NAV3: variants seen among roughly 807,000 people sequenced by gnomAD.
NAV3 encodes the protein neuron navigator 3, also known as pore membrane and/or filament interacting like protein 1.
A neutral mutation model predicts 244.7 loss-of-function variants in NAV3; 87 were observed. The ratio of observed to expected loss-of-function variants is 0.36; its 90% CI spans 0.30 to 0.42. The LOEUF (loss-of-function observed/expected upper bound fraction) is 0.42. NAV3 is among the 20% of genes least tolerant of loss of function. The pLI is 1.00. For missense variants in NAV3, 2,663 were observed against 2,893.3 expected, an observed-to-expected ratio of 0.92 and a Z score of 1.83; for synonymous variants, 1,126 against 1,042.2, an observed-to-expected ratio of 1.08 and a Z score of -1.55.
chr12:78,025,620 A>G (rs1026840109), intron 9 of NAV3, among the ~76,000 whole-genome samples: 7 of 148,228 alleles, frequency 4.7e-5, no homozygotes, highest in Admixed American at 2.0e-4. Flanking sequence ...AAAAAAAAAA[A>G]AAAGAAATTT....
intron 2 of NAV3, among the ~76,000 whole-genome samples, chr12:77,648,389 T>C (rs1872690636): frequency 6.6e-6 from 1 of 152,098 alleles, no homozygotes; most frequent in Non-Finnish European, 1.5e-5. Context: ...GTATGGTGTT[T>C]TATGTCAAAA....
At chr12:78,185,801 A>G (rs957936564) in intron 31 of NAV3, 103 bp downstream of exon 31, 5 of 947,304 alleles carry the variant, frequency 5.3e-6, no homozygotes, top group African/African-American at 3.3e-5. Flanking sequence ...TCCTACAACA[A>G]TTGTGGATTG....
chr12:77,857,256 T>C (rs1220904429), intron 1 of NAV3, among the ~76,000 whole-genome samples: 1 of 152,068 alleles, frequency 6.6e-6, no homozygotes, highest in Non-Finnish European at 1.5e-5. Flanking sequence ...ATGAACTTCC[T>C]AGAGTTTTTA....
intron 2 of NAV3, among the ~76,000 whole-genome samples, chr12:77,743,278 T>C (rs1868375812): frequency 6.6e-6 from 1 of 151,920 alleles, no homozygotes; most frequent in Admixed American, 6.6e-5. Context: ...ATATTATTGG[T>C]AAGTTTCTAG....
intron 2 of NAV3, among the ~76,000 whole-genome samples, chr12:77,649,266 A>G (rs1362060065): frequency 6.6e-6 from 1 of 152,090 alleles, no homozygotes; most frequent in African/African-American, 2.4e-5. Context: ...AGTATTACAT[A>G]GGTGGTCATT....
intron 3 of NAV3, among the ~76,000 whole-genome samples, chr12:77,945,058 G>A (rs901030313): frequency 2.6e-5 from 4 of 151,824 alleles, no homozygotes; most frequent in African/African-American, 9.7e-5. Context: ...TAACTCAGAA[G>A]TGCCAATATC....
rs1877033253 is a variant in NAV3, at chr12:77,729,581, A to G, written c.72+157315A>G. Among the ~76,000 whole-genome samples the G allele has an allele frequency of 2.6e-5, 4 of 152,094 alleles. No homozygotes were observed. In the South Asian group the frequency reaches 8.3e-4, roughly 31 times the overall value. ...TCAGAGCATAGGAAGCTTATAACTAACTGAAGAAGAAAGGTCCTGCAAGAA... is the reference window on the plus strand; with the variant it reads ...TCAGAGCATAGGAAGCTTATAACTAGCTGAAGAAGAAAGGTCCTGCAAGAA... On this transcript the variant is annotated intron_variant, in intron 2 of 8. Coordinates refer to the NAV3 transcript ENST00000550042.
intron 1 of NAV3, among the ~76,000 whole-genome samples, chr12:77,908,532 C>G (rs978870402): frequency 1.3e-5 from 2 of 151,734 alleles, no homozygotes; most frequent in African/African-American, 4.8e-5. Flanking sequence ...AGAATATATC[C>G]CTGTTATTCT....
intron 1 of NAV3, among the ~76,000 whole-genome samples, chr12:77,873,357 CTTA>C (rs1418181236): frequency 1.3e-5 from 2 of 151,888 alleles, no homozygotes; most frequent in East Asian, 1.9e-4. Context: ...TGATACAGAT[CTTA>C]TTGTTACTTT....
chr12:77,770,143 A>T (rs779901783), intron 2 of NAV3, among the ~76,000 whole-genome samples: 1 of 152,038 alleles, frequency 6.6e-6, no homozygotes, highest in African/African-American at 2.4e-5. Flanking sequence ...CTAGAGATCC[A>T]ATTTTTTTTT....
intron 2 of NAV3, among the ~76,000 whole-genome samples, chr12:77,639,993 CCAGA>C (rs1412490936): frequency 1.3e-5 from 2 of 151,898 alleles, no homozygotes; most frequent in Non-Finnish European, 2.9e-5. Flanking sequence ...GGGAATGACC[CCAGA>C]CAAAGATACT....
chr12:78,167,360 C>T (rs435314), intron 23 of NAV3, among the ~76,000 whole-genome samples: 6,933 of 151,648 alleles, frequency 0.046, 193 homozygotes, highest in Non-Finnish European at 0.072. Flanking sequence ...GAGATTCTTC[C>T]ACTCATAAGC....
At chr12:77,979,227 A>C (rs1248792921) in intron 5 of NAV3, among the ~76,000 whole-genome samples, 1 of 136,372 alleles carries the variant, frequency 7.3e-6, no homozygotes, top group South Asian at 2.3e-4. Context: ...TACAATACAA[A>C]AAAAAAAAAA....
At position 77,689,342 on chromosome 12, in the gene NAV3, A is replaced by C. The variant is rs144393907; in HGVS notation, c.72+117076A>C. Among the ~76,000 whole-genome samples the C allele has an allele frequency of 3.3e-5, 5 of 152,062 alleles. No homozygotes were observed. In the East Asian group the frequency reaches 7.7e-4, roughly 23 times the overall value. On this transcript the variant is annotated intron_variant, in intron 2 of 8. Transcript: ENST00000550042. ...ATGAGCTCATCCAAGATTCCATTTT[A>C]GAACATATCTTGTCTTCTACCAGTG... is the stretch of plus-strand genomic sequence containing the variant.
intron 2 of NAV3, among the ~76,000 whole-genome samples, chr12:77,753,759 A>C (rs1263485861): frequency 6.6e-6 from 1 of 152,184 alleles, no homozygotes; most frequent in Non-Finnish European, 1.5e-5. Context: ...AAGTGGTACT[A>C]TTTATGTCTC....
upstream of NAV3, among the ~76,000 whole-genome samples, chr12:77,826,153 G>T (rs1260114911): frequency 6.6e-6 from 1 of 152,072 alleles, no homozygotes; most frequent in East Asian, 1.9e-4. Context: ...ATGACTCAGA[G>T]ATACCCTTTG....
intron 12 of NAV3, among the ~76,000 whole-genome samples, chr12:78,094,983 G>A (rs1237478043): frequency 6.6e-6 from 1 of 151,056 alleles, no homozygotes; most frequent in African/African-American, 2.4e-5. Context: ...GGAGGCGAGG[G>A]TTGCAGTGAG....
intron 7 of NAV3, among the ~76,000 whole-genome samples, chr12:77,998,704 C>T (rs889247472): frequency 2.6e-5 from 4 of 152,206 alleles, no homozygotes; most frequent in African/African-American, 9.6e-5. Flanking sequence ...TATGCAAGTA[C>T]AAATACTGTT....
chr12:77,654,661 G>A (rs1592545188), intron 2 of NAV3, among the ~76,000 whole-genome samples: 1 of 152,270 alleles, frequency 6.6e-6, no homozygotes, highest in East Asian at 1.9e-4. Context: ...CCTCAGGTGG[G>A]TCCCTGACCC....
Sources: allele counts gnomAD v4.1 joint callset (sites outside exome capture counted in the v4.1 genomes callset), GRCh38; gene constraint gnomAD v4.1.1; transcripts MANE v1.5; gene names NCBI Gene and HGNC (gene_info 2026-07-23, HGNC 2026-07-21).